The following RYR1 variants were observed in gnomAD, a reference collection of about 807,000 sequenced individuals.
The protein encoded by RYR1 is ryanodine receptor 1.
A neutral mutation model predicts 583.5 loss-of-function variants in RYR1; 342 were observed. The observed-to-expected ratio is 0.59, with a 90% CI of 0.54 to 0.64. The LOEUF is 0.64. RYR1 is among the 30% of genes least tolerant of loss of function. The pLI is 0.00. For synonymous variants in RYR1, 2,791 were observed against 2,822.5 expected, an observed-to-expected ratio of 0.99 and a Z score of 0.35; for missense variants, 6,032 against 6,917.2, an observed-to-expected ratio of 0.87 and a Z score of 4.54.
At position 38,499,119 on chromosome 19, in the gene RYR1, C is replaced by T. The variant is rs755811254; in HGVS notation, c.6903C>T (p.Tyr2301=). 1 of 1,614,138 alleles carries T rather than the reference C, an allele frequency of 6.2e-7. No homozygotes were observed. The highest frequency in any genetic ancestry group is 8.5e-7 in the Non-Finnish European group (1 of 1,180,008). Residue 2301 remains tyrosine (Y), a synonymous_variant, in exon 43 of 106, where the codon TAC becomes TAT. Coordinates refer to ENST00000359596, the MANE Select transcript of RYR1 (RefSeq NM_000540.3). This position sits in a 1 kb window ranked among gnomAD's most constrained non-coding sequence, Gnocchi z 7.3. The part of the protein sequence containing the change: ...QEQDLEKVVS[Y]LAGCGLQSCP... The stretch of plus-strand genomic sequence containing the variant: ...CCTTCTGCCCCCAGGTTGTGTCCTA[C>T]CTGGCAGGCTGTGGCCTCCAGAGCT...
At chr19:38,562,887 G>A (rs190011836) in intron 90 of RYR1, among the ~76,000 whole-genome samples, 17 of 152,204 alleles carry the variant, frequency 1.1e-4, no homozygotes, top group Admixed American at 4.6e-4. Flanking sequence ...CACATACTCC[G>A]CAGGAACCCT....
At chr19:38,525,598 C>A in intron 71 of RYR1, 96 bp downstream of exon 71, 2 of 1,316,036 alleles carry the variant, frequency 1.5e-6, no homozygotes, top group Non-Finnish European at 2.1e-6. Context: ...TGCCACTGAG[C>A]CCCCCAGGTC....
chr19:38,526,113 A>T (rs779406311), intron 71 of RYR1, among the ~76,000 whole-genome samples: 4 of 152,058 alleles, frequency 2.6e-5, no homozygotes, highest in Admixed American at 6.6e-5. Flanking sequence ...ATGAACCCCA[A>T]GCCCGGGACT....
At position 38,535,229 on chromosome 19, in the gene RYR1, G is replaced by A. The variant is rs369650355; in HGVS notation, c.11439+9G>A. 838 of 1,613,996 alleles carry A rather than the reference G, an allele frequency of 5.2e-4. No homozygotes were observed. The highest frequency in any genetic ancestry group is 6.9e-4 in the Non-Finnish European group (813 of 1,180,014). On this transcript the variant is annotated intron_variant, in intron 80 of 105. Coordinates refer to ENST00000359596, the MANE Select transcript of RYR1 (RefSeq NM_000540.3). Reference sequence around the variant, plus strand: ...ATGCTGAGGTCCAGCAGGTAACAGAGGCAAAGGGACTTCAGAAGAAGGCAA... The same window carrying A: ...ATGCTGAGGTCCAGCAGGTAACAGAAGCAAAGGGACTTCAGAAGAAGGCAA...
Position 38,442,419 on chromosome 19 carries a change from A to T in RYR1, c.236A>T (p.Glu79Val), listed in dbSNP as rs1972734595. Residue 79 changes from glutamate to valine, a missense_variant, in exon 3 of 106, where the codon GAG (glutamate) becomes GTG (valine). Glu to Val is a moderately radical substitution (Grantham distance 121). Around this residue, in one of 11 missense-constraint regions of RYR1, gnomAD observed 338 missense variants for 441.6 expected, o/e 0.77. Coordinates refer to ENST00000359596, the MANE Select transcript of RYR1 (RefSeq NM_000540.3). ...EQSLSVRALQEMLANTVEAGV... is the reference protein window; with the variant it reads ...EQSLSVRALQVMLANTVEAGV... ...TCCCTGTCTGTGCGAGCCCTGCAGG[A>T]GATGCTGGCTAACACGGTGGAGGCT... 2.5e-6 allele frequency: 4 copies of T among 1,612,610 alleles called. No homozygotes were observed. The highest frequency in any genetic ancestry group is 3.4e-6 in the Non-Finnish European group (4 of 1,179,508).
chr19:38,466,217 C>T lies in RYR1; in HGVS notation c.2997C>T (p.Arg999=), dbSNP rs371603625. The T allele has an allele frequency of 5.1e-5, 82 of 1,613,324 alleles. No individual in the cohort carries two copies. The highest frequency in any genetic ancestry group is 6.5e-5 in the Non-Finnish European group (77 of 1,179,958). The stretch of plus-strand genomic sequence containing the variant: ...GGCACAACGTGTGGGCCCGAGACCG[C>T]GTGGGCCAGGGCTGGAGCTACAGCG... ...ENGHNVWARD[R]VGQGWSYSAV... is the part of the protein sequence containing the mutation. Residue 999 remains arginine, a synonymous_variant, in exon 24 of 106, where the codon CGC becomes CGT. Coordinates refer to ENST00000359596, the MANE Select transcript of RYR1 (RefSeq NM_000540.3).
chr19:38,482,526 C>T (rs1600758887), intron 31 of RYR1, among the ~76,000 whole-genome samples: 1 of 152,100 alleles, frequency 6.6e-6, no homozygotes, highest in Non-Finnish European at 1.5e-5. Context: ...TCATGGCTCA[C>T]TGCAGCCTCG....
At chr19:38,464,277 A>AG (rs1386712883) in intron 22 of RYR1, among the ~76,000 whole-genome samples, 2 of 51,126 alleles carry the variant, frequency 3.9e-5, no homozygotes, top group African/African-American at 9.3e-5. Flanking sequence ...ACACCGTTTC[A>AG]GAAAAAAAAA....
intron 34 of RYR1, among the ~76,000 whole-genome samples, chr19:38,487,776 G>A (rs1034670201): frequency 1.3e-5 from 2 of 152,158 alleles, no homozygotes; most frequent in African/African-American, 2.4e-5. Context: ...TGGGACTACA[G>A]GTGTGCACTA....
At chr19:38,520,703 A>C (rs1250178326) in intron 67 of RYR1, among the ~76,000 whole-genome samples, 1 of 137,406 alleles carries the variant, frequency 7.3e-6, no homozygotes, top group Non-Finnish European at 1.5e-5. Context: ...CAAAAAAAAA[A>C]AAAAAAAAAA....
At chr19:38,436,730 T>C (rs1237489913) in intron 1 of RYR1, among the ~76,000 whole-genome samples, 2 of 152,146 alleles carry the variant, frequency 1.3e-5, no homozygotes, top group East Asian at 3.8e-4. Flanking sequence ...CTGAAACAAG[T>C]CTCATAAAAT....
intron 2 of RYR1, among the ~76,000 whole-genome samples, chr19:38,441,226 G>A (rs1972663910): frequency 6.7e-6 from 1 of 148,434 alleles, no homozygotes; most frequent in Non-Finnish European, 1.5e-5. Flanking sequence ...ACGGGTCTCA[G>A]GAGGGAGGAG....
chr19:38,440,798 G>C lies in RYR1; in HGVS notation c.99G>C (p.Lys33Asn). The change falls in exon 2 of 106, where the codon AAG (lysine) becomes AAC (asparagine). Residue 33 changes from lysine (K) to asparagine (N), a missense_variant. By Grantham distance (94) the Lys-to-Asn change is moderately conservative. This residue lies in a region of RYR1 where 71 missense variants were observed against 75.3 expected (regional missense o/e 0.94). Transcript: ENST00000359596. ...CTACCGTGCTCAAGGAGCAGCTCAA[G>C]CTCTGCCTGGCCGCCGAGGGCTTCG... is the stretch of plus-strand genomic sequence containing the variant. ...CSATVLKEQLKLCLAAEGFGN... is the reference protein window; with the variant it reads ...CSATVLKEQLNLCLAAEGFGN... 1 of 1,609,172 alleles carries C rather than the reference G, an allele frequency of 6.2e-7. No homozygotes were observed. The highest frequency in any genetic ancestry group is 8.5e-7 in the Non-Finnish European group (1 of 1,178,636).
Position 38,492,490 on chromosome 19 carries a change from G to A in RYR1, c.6128G>A (p.Gly2043Glu). The A allele has an allele frequency of 6.2e-7, 1 of 1,614,114 alleles. No homozygotes were observed. Residue 2043 changes from glycine (G) to glutamate (E), a missense_variant and splice_region_variant, in exon 38 of 106, where the codon GGA becomes GAA. Physicochemically the swap from Gly to Glu is moderately conservative, Grantham distance 98. Coordinates refer to ENST00000359596, the MANE Select transcript of RYR1 (RefSeq NM_000540.3). ...TTCCCGCCTTCTTGACCACTTCCAG[G>A]AATTCAGCTAGATGGAGAGGAGGAG... Reference protein sequence around the residue: ...DFHQDLLAHCGIQLDGEEEEP... With the variant: ...DFHQDLLAHCEIQLDGEEEEP...
At chr19:38,471,355 C>T (rs181219728) in intron 27 of RYR1, among the ~76,000 whole-genome samples, 4 of 152,164 alleles carry the variant, frequency 2.6e-5, no homozygotes, top group South Asian at 2.1e-4. Flanking sequence ...ATAGCAAAAC[C>T]CTGTCTCTAC....
rs66571762 is a variant in RYR1 at position 38,452,126 on chromosome 19, CA to C, written c.1244+266del. 0.066 allele frequency among the ~76,000 whole-genome samples: 4,559 copies of C among 68,716 alleles called. 111 individuals carry two copies. The highest frequency in any genetic ancestry group is 0.15 in the African/African-American group (2,560 of 16,672). The allele number at this position is 68,716 out of a possible 152,430, so 45.1% of individuals were successfully genotyped here. A position where few individuals can be genotyped will look rare whatever the true frequency, so the allele number is the denominator to read the frequency against. ...CAGCATAGGGAGACCCCGCCTCTACCAAAAAAAAAAAAAAAAAAAAAAAAAT... is the reference window on the plus strand; with the variant it reads ...CAGCATAGGGAGACCCCGCCTCTACCAAAAAAAAAAAAAAAAAAAAAAAAT... On this transcript the variant is annotated intron_variant, in intron 12 of 105. Coordinates refer to ENST00000359596, the MANE Select transcript of RYR1 (RefSeq NM_000540.3).
At chr19:38,474,564 CTTTTTTTTTTT>C (rs970000046) in intron 28 of RYR1, among the ~76,000 whole-genome samples, 3,226 of 88,208 alleles carry the variant, frequency 0.037, 71 homozygotes, top group Non-Finnish European at 0.052. Flanking sequence ...CGCCCGGCTC[CTTTTTTTTTTT>C]TTTTTTTTTT....
chr19:38,571,142 C>T (rs556508184), intron 94 of RYR1, among the ~76,000 whole-genome samples: 1 of 152,240 alleles, frequency 6.6e-6, no homozygotes, highest in South Asian at 2.1e-4. Context: ...ACAAAGGGAC[C>T]CTTGGGGTCT....
chr19:38,492,360 CAAA>C (rs60482983), intron 37 of RYR1, 127 bp from the exon 38 acceptor site: 5,762 of 709,272 alleles, frequency 8.1e-3, no homozygotes, highest in East Asian at 9.1e-3. Flanking sequence ...GACACTGTCT[CAAA>C]AAAAAAAAAA....
Sources: allele counts gnomAD v4.1 joint callset (sites outside exome capture counted in the v4.1 genomes callset), GRCh38; gene constraint gnomAD v4.1.1; regional missense constraint gnomAD v4.1.1; non-coding constraint Gnocchi (gnomAD v3.1); transcripts MANE v1.5; gene names NCBI Gene and HGNC (gene_info 2026-07-23, HGNC 2026-07-21).